Variants in LILRA2 observed in about 807,000 individuals in gnomAD.
The protein encoded by LILRA2 is leukocyte immunoglobulin-like receptor subfamily A member 2.
In LILRA2, 45 loss-of-function variants were observed where a neutral mutation model predicts 47.9. That is an observed-to-expected ratio of 0.94 (90% CI 0.74 to 1.20). LILRA2 has a LOEUF of 1.20. Among genes scored for constraint, LILRA2 ranks in the 50% most tolerant of loss-of-function variants. The pLI is 0.00. For synonymous variants in LILRA2, 279 were observed against 249.2 expected (o/e 1.12, Z -1.13); for missense variants, 651 against 598.2 (o/e 1.09, Z -0.92).
At chr19:54,574,053 C>T in intron 1 of LILRA2, 23 bp from the exon 2 acceptor site, 1 of 1,614,120 alleles carries the variant, frequency 6.2e-7, no homozygotes, top group Non-Finnish European at 8.5e-7. Flanking sequence ...GGGAAAAATC[C>T]CTCACAGGGA....
rs572313127 is a variant in LILRA2 at position 54,574,442 on chromosome 19, G to A, written c.212G>A (p.Arg71Lys). 1 of 1,613,200 alleles carries A rather than the reference G, an allele frequency of 6.2e-7. No individual in the cohort carries two copies. Among genetic ancestry groups the A allele is most frequent in the African/African-American group, 1.3e-5 (1 of 74,874 alleles). Residue 71 changes from arginine (R) to lysine (K), a missense_variant, in exon 3 of 8, where the codon AGA (arginine) becomes AAA (lysine). Arg to Lys is a conservative substitution (Grantham distance 26). Coordinates refer to ENST00000391738, the MANE Select transcript of LILRA2 (RefSeq NM_001130917.3). ...GAAAACAAATCAGCATCCTGGGTTA[G>A]ACGGATACAAGAGCCTGGGAAGAAT... ...YRENKSASWVRRIQEPGKNGQ... is the reference protein window; with the variant it reads ...YRENKSASWVKRIQEPGKNGQ...
rs765040443 is a variant in LILRA2 at position 54,573,912 on chromosome 19, G to C, written c.34G>C (p.Gly12Arg). The C allele has an allele frequency of 1.9e-6, 3 of 1,614,176 alleles. No homozygotes were observed. Among genetic ancestry groups the C allele is most frequent in the East Asian group, 2.2e-5 (1 of 44,880 alleles). The change falls in exon 1 of 8, where the codon GGG becomes CGG. Residue 12 changes from glycine (G) to arginine (R), a missense_variant and splice_region_variant. Transcript: ENST00000391738. ...TPILTVLICL[G>R]LSLGPRTHVQ... ...CATCCTCACGGTCCTGATCTGTCTC[G>C]GTGAGATTTGAAGAGGGAGGGGAGC...
At chr19:54,575,074 C>A in intron 4 of LILRA2, 41 bp downstream of exon 4, 1 of 1,593,152 alleles carries the variant, frequency 6.3e-7, no homozygotes, top group Non-Finnish European at 8.6e-7. Context: ...CCTGAGTCTC[C>A]CTGAGTCTCC....
chr19:54,585,124 A>G lies in LILRA2; in HGVS notation c.1256-1886A>G, dbSNP rs371537937. 4.6e-5 allele frequency among the ~76,000 whole-genome samples: 7 copies of G among 152,144 alleles called. No homozygotes were observed. In the East Asian group the frequency reaches 5.8e-4, roughly 13 times the overall value. ...CACCAGCAGAGGCTGCAGAACAGCAAATATTGCTGCCTGACCCTTCCTTTC... is the reference window on the plus strand; with the variant it reads ...CACCAGCAGAGGCTGCAGAACAGCAGATATTGCTGCCTGACCCTTCCTTTC... On this transcript the variant is annotated intron_variant, in intron 6 of 7. Coordinates refer to ENST00000391738, the MANE Select transcript of LILRA2 (RefSeq NM_001130917.3).
chr19:54,585,378 C>T (rs2062768274), intron 6 of LILRA2, among the ~76,000 whole-genome samples: 1 of 152,180 alleles, frequency 6.6e-6, no homozygotes. Flanking sequence ...TCTACTATGC[C>T]CTGCCCCCAG....
chr19:54,574,978 G>C lies in LILRA2; in HGVS notation c.600G>C (p.Ser200=), dbSNP rs141931276. Residue 200 remains serine, a synonymous_variant, in exon 4 of 8, where the codon TCG becomes TCC. Transcript: ENST00000391738. ...CGTACAGGTGCTATGCTTATGACTC[G>C]AACTCTCCCTATGTGTGGTCTCTAC... ...RWSYRCYAYD[S]NSPYVWSLPS... 6.2e-7 allele frequency: 1 copy of C among 1,613,764 alleles called. No homozygotes were observed. Among genetic ancestry groups the C allele is most frequent in the Admixed American group, 1.7e-5 (1 of 60,020 alleles).
Position 54,574,541 on chromosome 19 carries a change from A to T in LILRA2, c.311A>T (p.His104Leu), listed in dbSNP as rs1258211318. Residue 104 changes from histidine to leucine, a missense_variant, in exon 3 of 8, where the codon CAC (histidine) becomes CTC (leucine). By Grantham distance (99) the His-to-Leu change is moderately conservative. Transcript: ENST00000391738. ...RYHCQYYSHN[H>L]SSEYSDPLEL... ...CACTGTCAGTACTACAGCCACAATC[A>T]CTCATCAGAGTACAGTGACCCCCTG... 7 of 1,596,596 alleles carry T rather than the reference A, an allele frequency of 4.4e-6. No individual in the cohort carries two copies. Among genetic ancestry groups the T allele is most frequent in the Non-Finnish European group, 6.0e-6 (7 of 1,163,850 alleles).
chr19:54,582,343 G>A lies in LILRA2; in HGVS notation c.1256-4667G>A, dbSNP rs60377819. On this transcript the variant is annotated intron_variant, in intron 6 of 7. Coordinates refer to ENST00000391738, the MANE Select transcript of LILRA2 (RefSeq NM_001130917.3). ...TTCCATTGACTGGAGTAGTTTCAGA[G>A]AGAGTGGTACCAGCTCCTCTTTGTA... Among the ~76,000 whole-genome samples the A allele has an allele frequency of 9.4e-3, 1,432 of 152,256 alleles. 23 individuals are homozygous for A. Among genetic ancestry groups the A allele is most frequent in the African/African-American group, 0.033 (1,359 of 41,552 alleles).
Position 54,576,037 on chromosome 19 carries a change from T to A in LILRA2, c.1183T>A (p.Cys395Ser). The A allele has an allele frequency of 6.2e-6, 10 of 1,613,868 alleles. No homozygotes were observed. The highest frequency in any genetic ancestry group is 8.5e-6 in the Non-Finnish European group (10 of 1,179,930). ...VTSAHVGTYR[C>S]YSSLSSNPYL... Reference sequence around the variant, plus strand: ...CTCAGCCCACGTGGGGACCTACAGATGCTACAGCTCACTCAGCTCCAACCC... The same window carrying A: ...CTCAGCCCACGTGGGGACCTACAGAAGCTACAGCTCACTCAGCTCCAACCC... The change falls in exon 6 of 8, where the codon TGC becomes AGC. Residue 395 changes from cysteine to serine, a missense_variant. Transcript: ENST00000391738.
chr19:54,583,924 C>A (rs1027837516), intron 6 of LILRA2, among the ~76,000 whole-genome samples: 4 of 152,094 alleles, frequency 2.6e-5, no homozygotes, highest in Non-Finnish European at 4.4e-5. Context: ...TGTTCCTTTC[C>A]ATGTTTAGTG....
intron 6 of LILRA2, chr19:54,577,772 T>C (rs1313163596): frequency 8.8e-7 from 1 of 1,138,588 alleles, no homozygotes; most frequent in African/African-American, 1.6e-5. Flanking sequence ...CTACTCTGCA[T>C]TTTCTGTATG....
At chr19:54,585,504 TG>T (rs1291191659) in intron 6 of LILRA2, among the ~76,000 whole-genome samples, 3 of 152,338 alleles carry the variant, frequency 2.0e-5, no homozygotes, top group Admixed American at 2.0e-4. Flanking sequence ...CAATGGTGGA[TG>T]CCCTTCCCTC....
At chr19:54,586,196 G>A (rs1305808823) in intron 6 of LILRA2, among the ~76,000 whole-genome samples, 3 of 151,452 alleles carry the variant, frequency 2.0e-5, no homozygotes, top group African/African-American at 4.8e-5. Flanking sequence ...TACACATGAT[G>A]TGAGTGGAGG....
rs775694135 is a variant in LILRA2 at position 54,575,396 on chromosome 19, C to T, written c.796C>T (p.Arg266Cys). 1.1e-5 allele frequency: 17 copies of T among 1,614,106 alleles called. No individual in the cohort carries two copies. Among genetic ancestry groups the T allele is most frequent in the East Asian group, 2.2e-5 (1 of 44,882 alleles). ...YKEGERDFLQ[R>C]PGWQPQAGLS... ...GGAGGGAGAACGTGACTTCCTCCAG[C>T]GCCCTGGTTGGCAGCCCCAGGCTGG... Residue 266 changes from arginine to cysteine, a missense_variant, in exon 5 of 8, where the codon CGC becomes TGC. Coordinates refer to ENST00000391738, the MANE Select transcript of LILRA2 (RefSeq NM_001130917.3).
rs112809687 is a variant in LILRA2, at chr19:54,585,232, G to A, written c.1256-1778G>A. 4.3e-3 allele frequency among the ~76,000 whole-genome samples: 649 copies of A among 152,294 alleles called. 10 individuals carry two copies. The highest frequency in any genetic ancestry group is 0.014 in the African/African-American group (579 of 41,546). On this transcript the variant is annotated intron_variant, in intron 6 of 7. Transcript: ENST00000391738. ...GAGGTGTTTCCCAGTCAGGCTACAC[G>A]GGGGTCAGGGACCCACTTGAGGATG... is the stretch of plus-strand genomic sequence containing the variant.
chr19:54,581,857 C>T (rs570658539), intron 6 of LILRA2, among the ~76,000 whole-genome samples: 6 of 152,168 alleles, frequency 3.9e-5, no homozygotes, highest in African/African-American at 9.6e-5. Context: ...CGCATTGTGC[C>T]GGTTTTCAAA....
chr19:54,579,651 C>T (rs1046554350), intron 6 of LILRA2, among the ~76,000 whole-genome samples: 1 of 152,052 alleles, frequency 6.6e-6, no homozygotes, highest in Non-Finnish European at 1.5e-5. Flanking sequence ...TGAAGAAAGT[C>T]AGTGGTAGCT....
At position 54,575,855 on chromosome 19, in the gene LILRA2, T is replaced by G. The variant is rs1293839008; in HGVS notation, c.1001T>G (p.Val334Gly). ...PSLSVQPVPT[V>G]APGKNVTLLC... ...CTCTCGGTGCAGCCGGTCCCCACAG[T>G]AGCCCCAGGAAAGAACGTGACCCTG... The change falls in exon 6 of 8, where the codon GTA (valine) becomes GGA (glycine). Residue 334 changes from valine to glycine, a missense_variant. By Grantham distance (109) the Val-to-Gly change is moderately radical (BLOSUM62 -3). Coordinates refer to ENST00000391738, the MANE Select transcript of LILRA2 (RefSeq NM_001130917.3). 1 of 1,610,722 alleles carries G rather than the reference T, an allele frequency of 6.2e-7. No homozygotes were observed. Among genetic ancestry groups the G allele is most frequent in the Non-Finnish European group, 8.5e-7 (1 of 1,178,700 alleles).
intron 6 of LILRA2, among the ~76,000 whole-genome samples, chr19:54,585,414 C>T (rs2062769778): frequency 6.6e-6 from 1 of 152,236 alleles, no homozygotes. Flanking sequence ...AGGCAGTAGG[C>T]CTTGCTGAGC....
Sources: allele counts gnomAD v4.1 joint callset (sites outside exome capture counted in the v4.1 genomes callset), GRCh38; gene constraint gnomAD v4.1.1; transcripts MANE v1.5; gene names NCBI Gene and HGNC (gene_info 2026-07-23, HGNC 2026-07-21).